The following BIN3 variants were observed in gnomAD, a reference collection of about 807,000 sequenced individuals.
BIN3 encodes bridging integrator 3.
BIN3 carries 41 observed loss-of-function variants against 38.2 expected under a neutral mutation model. That is an observed-to-expected ratio of 1.07 (90% CI 0.84 to 1.39). The LOEUF is 1.39. Among genes scored for constraint, BIN3 ranks in the 40% most tolerant of loss-of-function variants. The pLI, the probability that BIN3 is intolerant of heterozygous loss-of-function variation, is 0.00. For synonymous variants in BIN3, 145 were observed against 122.6 expected (o/e 1.18, Z -1.21); for missense variants, 361 against 324.3 (o/e 1.11, Z -0.87).
intron 2 of BIN3, among the ~76,000 whole-genome samples, chr8:22,639,721 C>T (rs1298208994): frequency 6.6e-6 from 1 of 152,222 alleles, no homozygotes; most frequent in East Asian, 1.9e-4. Context: ...TTTGGGGCTG[C>T]AGGCTGGGCT....
Position 22,624,221 on chromosome 8 carries a change from C to G in BIN3, c.480+1G>C. The G allele has an allele frequency of 6.2e-7, 1 of 1,612,990 alleles. No homozygotes were observed. The highest frequency in any genetic ancestry group is 1.1e-5 in the South Asian group (1 of 90,906). ...CCCTGCCCACCTGTCTCCCCTGGTA[C>G]CTGGTGGAGCTTGGCCAGCACTGGC... On this transcript the variant is annotated splice_donor_variant, in intron 7 of 8. Coordinates refer to ENST00000276416, the MANE Select transcript of BIN3 (RefSeq NM_018688.6). LOFTEE classifies it high-confidence loss of function.
At chr8:22,634,445 G>C (rs1802303788) in intron 4 of BIN3, 4 of 455,778 alleles carry the variant, frequency 8.8e-6, no homozygotes, top group South Asian at 6.2e-5. Context: ...CGGCTCCCAG[G>C]GAAGGAACGC....
chr8:22,637,337 G>T (rs1262031303), intron 2 of BIN3, among the ~76,000 whole-genome samples: 1 of 152,192 alleles, frequency 6.6e-6, no homozygotes, highest in Non-Finnish European at 1.5e-5. Flanking sequence ...CAGAGGAGAG[G>T]GCGGGTCTGG....
At chr8:22,625,471 T>A (rs951680806) in intron 6 of BIN3, 1 of 700,416 alleles carries the variant, frequency 1.4e-6, no homozygotes, top group African/African-American at 1.7e-5. Context: ...AAGCAGTTAC[T>A]GAGACTGGGA....
At chr8:22,636,838 G>C (rs1419359855) in intron 3 of BIN3, 84 bp downstream of exon 3, 1 of 1,467,330 alleles carries the variant, frequency 6.8e-7, no homozygotes, top group Admixed American at 1.7e-5. Flanking sequence ...CACGGGGCAG[G>C]GCACGGGGCA....
intron 6 of BIN3, chr8:22,625,299 G>A (rs934599641): frequency 5.4e-5 from 38 of 702,014 alleles, no homozygotes; most frequent in African/African-American, 3.5e-4. Flanking sequence ...GGCAGGGGGC[G>A]TCTACCAGGC....
chr8:22,649,853 AC>A (rs1802830921), intron 1 of BIN3, among the ~76,000 whole-genome samples: 1 of 143,256 alleles, frequency 7.0e-6, no homozygotes, highest in African/African-American at 2.9e-5. Context: ...ACACACACAC[AC>A]ACACCCCCAA....
chr8:22,642,161 G>A (rs548078542), intron 2 of BIN3, among the ~76,000 whole-genome samples: 200 of 151,374 alleles, frequency 1.3e-3, no homozygotes, highest in African/African-American at 4.6e-3. Flanking sequence ...TGAAGATAAC[G>A]TGAGCATTTC....
chr8:22,645,606 C>T (rs534526848), intron 1 of BIN3, among the ~76,000 whole-genome samples: 1 of 136,352 alleles, frequency 7.3e-6, no homozygotes, highest in East Asian at 2.1e-4. Context: ...AAGACACCCG[C>T]GAGGATGGCA....
At chr8:22,654,241 C>T (rs1802988957) in intron 1 of BIN3, among the ~76,000 whole-genome samples, 1 of 152,064 alleles carries the variant, frequency 6.6e-6, no homozygotes, top group Non-Finnish European at 1.5e-5. Context: ...TGGATTTATG[C>T]CTTAAAAAAC....
chr8:22,630,671 C>T (rs1340937846), intron 4 of BIN3, 93 bp from the exon 5 acceptor site: 3 of 1,447,720 alleles, frequency 2.1e-6, no homozygotes, highest in African/African-American at 2.8e-5. Context: ...CAGGGGCCTG[C>T]ACCCTGAAGA....
intron 1 of BIN3, among the ~76,000 whole-genome samples, chr8:22,645,864 G>C (rs1374266412): frequency 6.6e-6 from 1 of 152,114 alleles, no homozygotes; most frequent in Non-Finnish European, 1.5e-5. Flanking sequence ...TATTTCCCTG[G>C]GAAAACTCAC....
At chr8:22,636,855 T>G in intron 3 of BIN3, 67 bp downstream of exon 3, 29 of 1,539,472 alleles carry the variant, frequency 1.9e-5, no homozygotes, top group Non-Finnish European at 2.1e-5. Flanking sequence ...GGCAGACAGG[T>G]GAGACCTGGC....
At chr8:22,652,663 C>A (rs938099422) in intron 1 of BIN3, among the ~76,000 whole-genome samples, 4 of 152,148 alleles carry the variant, frequency 2.6e-5, no homozygotes, top group African/African-American at 7.2e-5. Flanking sequence ...ATTTTGTATG[C>A]CCCATTTCAA....
intron 4 of BIN3, among the ~76,000 whole-genome samples, chr8:22,633,210 C>CTG (rs915222297): frequency 6.6e-6 from 1 of 152,090 alleles, no homozygotes; most frequent in African/African-American, 2.4e-5. Context: ...TGGCTCATGC[C>CTG]TGTAATCCCT....
At chr8:22,630,390 C>T (rs925922729) in intron 5 of BIN3, 52 bp downstream of exon 5, 3 of 1,605,532 alleles carry the variant, frequency 1.9e-6, no homozygotes, top group East Asian at 2.2e-5. Context: ...CACCCAGAGG[C>T]CCAGACCGGG....
intron 1 of BIN3, among the ~76,000 whole-genome samples, chr8:22,647,152 C>A (rs899552019): frequency 6.6e-6 from 1 of 152,198 alleles, no homozygotes; most frequent in South Asian, 2.1e-4. Flanking sequence ...TAAACTGAAT[C>A]TCCACTCCAA....
intron 6 of BIN3, chr8:22,626,161 C>T (rs939626932): frequency 1.3e-5 from 2 of 152,328 alleles, no homozygotes; most frequent in East Asian, 3.9e-4. Flanking sequence ...TGCCCTTAGA[C>T]ATAGTAATCA....
At chr8:22,645,178 A>AG in intron 1 of BIN3, among the ~76,000 whole-genome samples, 1 of 152,182 alleles carries the variant, frequency 6.6e-6, no homozygotes, top group Admixed American at 6.5e-5. Context: ...AAAAAAAAAA[A>AG]AAAATCCGCT....
Sources: allele counts gnomAD v4.1 joint callset (sites outside exome capture counted in the v4.1 genomes callset), GRCh38; gene constraint gnomAD v4.1.1; transcripts MANE v1.5; gene names NCBI Gene and HGNC (gene_info 2026-07-23, HGNC 2026-07-21).